The following MAPK8 variants were observed in gnomAD, a reference collection of about 807,000 sequenced individuals.
MAPK8 encodes JUN N-terminal kinase.
Under a neutral mutation model 52.9 loss-of-function variants are expected in MAPK8, and 13 were observed. That is an observed-to-expected ratio of 0.25 (90% CI 0.16 to 0.39). MAPK8 has a LOEUF of 0.39. MAPK8 is among the 10% of genes least tolerant of loss of function. The pLI, the probability that MAPK8 is intolerant of heterozygous loss-of-function variation, is 1.00. For synonymous variants in MAPK8, 191 were observed against 169.8 expected, an observed-to-expected ratio of 1.12 and a Z score of -0.97; for missense variants, 300 against 519.2, an observed-to-expected ratio of 0.58 and a Z score of 4.10.
At chr10:48,364,114 C>T (rs1026754865) in intron 1 of MAPK8, among the ~76,000 whole-genome samples, 10 of 151,926 alleles carry the variant, frequency 6.6e-5, no homozygotes, top group Non-Finnish European at 4.4e-5. Flanking sequence ...TTGAGGCACA[C>T]GGGGCTATTT....
At chr10:48,431,725 T>A (rs1010175818) in intron 11 of MAPK8, among the ~76,000 whole-genome samples, 6 of 152,198 alleles carry the variant, frequency 3.9e-5, no homozygotes, top group African/African-American at 1.2e-4. Flanking sequence ...CACTAGAAAG[T>A]ATTCTTTCTC....
intron 5 of MAPK8, among the ~76,000 whole-genome samples, chr10:48,417,175 A>G (rs896625534): frequency 4.6e-5 from 7 of 152,248 alleles, no homozygotes; most frequent in African/African-American, 9.6e-5. Context: ...TCCTGTTTGA[A>G]GTGTAGAAGG....
intron 5 of MAPK8, among the ~76,000 whole-genome samples, chr10:48,411,949 A>G (rs906751593): frequency 2.0e-5 from 3 of 150,692 alleles, no homozygotes; most frequent in Non-Finnish European, 4.4e-5. Flanking sequence ...GGTTCAAACA[A>G]TTCTCCTGCC....
intron 1 of MAPK8, among the ~76,000 whole-genome samples, chr10:48,392,518 T>C (rs1349209728): frequency 2.0e-5 from 3 of 152,060 alleles, no homozygotes; most frequent in Non-Finnish European, 4.4e-5. Flanking sequence ...TTCTCAGTCT[T>C]TTGATGATAC....
intron 1 of MAPK8, among the ~76,000 whole-genome samples, chr10:48,400,650 G>GT (rs1386424378): frequency 1.3e-5 from 2 of 152,128 alleles, no homozygotes; most frequent in Admixed American, 6.5e-5. Context: ...TCTTTGTATT[G>GT]TAAGTCATAT....
intron 1 of MAPK8, among the ~76,000 whole-genome samples, chr10:48,375,648 G>A (rs1283787536): frequency 2.6e-5 from 4 of 151,828 alleles, no homozygotes; most frequent in South Asian, 2.1e-4. Context: ...TACAAAGAGA[G>A]TAAAATAAAA....
chr10:48,336,832 A>G (rs140840964), intron 1 of MAPK8, among the ~76,000 whole-genome samples: 5 of 152,294 alleles, frequency 3.3e-5, no homozygotes, highest in African/African-American at 7.2e-5. Context: ...AGGTGTTGCT[A>G]TTGTTGTATC....
intron 2 of MAPK8, among the ~76,000 whole-genome samples, chr10:48,403,734 GTTTTTTGTTTTTTTGT>G (rs1256497998): frequency 3.9e-4 from 58 of 150,360 alleles, no homozygotes; most frequent in African/African-American, 1.2e-3. Context: ...TTTGTTTTTT[GTTTTTTGTTTTTTTGT>G]TTTTTTGTTT....
At chr10:48,357,339 A>G (rs1332056981) in intron 1 of MAPK8, among the ~76,000 whole-genome samples, 1 of 152,180 alleles carries the variant, frequency 6.6e-6, no homozygotes, top group African/African-American at 2.4e-5. Flanking sequence ...AAATGCCGCT[A>G]TCTTTATGGT....
In MAPK8 at chr10:48,425,946, GA is replaced by G; in HGVS notation, c.749del (p.Lys250ArgfsTer7). 2 of 1,612,614 alleles carry G rather than the reference GA, an allele frequency of 1.2e-6. No homozygotes were observed. Among genetic ancestry groups the G allele is most frequent in the Non-Finnish European group, 1.7e-6 (2 of 1,179,100 alleles). On this transcript the variant is annotated frameshift_variant, in exon 8 of 12. Transcript: ENST00000374189. LOFTEE classifies it high-confidence loss of function. The stretch of plus-strand genomic sequence containing the variant: ...TTGGAACACCATGTCCTGAATTCAT[GA>G]AGAAACTGCAACCAACAGTAAGGAC... ...QLGTPCPEFM[K>X]KLQPTVRTYV... is the part of the protein sequence containing the mutation.
chr10:48,370,496 A>G (rs12266878), intron 1 of MAPK8, among the ~76,000 whole-genome samples: 7,084 of 152,210 alleles, frequency 0.047, 552 homozygotes, highest in African/African-American at 0.16. Flanking sequence ...AACATGGAAT[A>G]TAAGCTGTGG....
intron 1 of MAPK8, among the ~76,000 whole-genome samples, chr10:48,337,491 A>G (rs977933907): frequency 5.3e-5 from 8 of 152,160 alleles, no homozygotes; most frequent in Non-Finnish European, 1.0e-4. Context: ...CTAAATTCCT[A>G]CATCAAAAGA....
chr10:48,336,673 A>AT (rs1217902679), intron 1 of MAPK8, among the ~76,000 whole-genome samples: 9 of 152,206 alleles, frequency 5.9e-5, no homozygotes, highest in Admixed American at 3.9e-4. Context: ...AGAAAAAATA[A>AT]TATAACCTAT....
intron 6 of MAPK8, among the ~76,000 whole-genome samples, chr10:48,422,697 C>T (rs910365289): frequency 6.6e-6 from 1 of 152,108 alleles, no homozygotes; most frequent in African/African-American, 2.4e-5. Flanking sequence ...CTCTGAGGCA[C>T]TAATTTATAA....
intron 1 of MAPK8, among the ~76,000 whole-genome samples, chr10:48,385,498 G>A (rs2041258583): frequency 6.6e-6 from 1 of 152,184 alleles, no homozygotes; most frequent in Non-Finnish European, 1.5e-5. Flanking sequence ...CCCTTTTGTA[G>A]AGGAAGAGAT....
chr10:48,361,988 T>G (rs2132537183), intron 1 of MAPK8, among the ~76,000 whole-genome samples: 1 of 152,278 alleles, frequency 6.6e-6, no homozygotes, highest in African/African-American at 2.4e-5. Flanking sequence ...CTTCAGAAAA[T>G]TTTCCTCATT....
At chr10:48,413,674 C>G (rs1020971294) in intron 5 of MAPK8, among the ~76,000 whole-genome samples, 1 of 151,388 alleles carries the variant, frequency 6.6e-6, no homozygotes, top group African/African-American at 2.4e-5. Context: ...CTGTATTTCA[C>G]TGATTTATAT....
At chr10:48,403,386 A>AG (rs2042259181) in intron 2 of MAPK8, among the ~76,000 whole-genome samples, 3 of 150,530 alleles carry the variant, frequency 2.0e-5, no homozygotes, top group South Asian at 4.2e-4. Flanking sequence ...TGAACCCGGG[A>AG]GGTGGAGGTT....
At chr10:48,414,448 A>AT (rs3047768) in intron 5 of MAPK8, among the ~76,000 whole-genome samples, 71,476 of 133,628 alleles carry the variant, frequency 0.53, 20,316 homozygotes, top group Middle Eastern at 0.72. Flanking sequence ...TATTGAGAGG[A>AT]TTTTTTTTTT....
Sources: gnomAD v4.1 joint callset for allele counts (sites outside exome capture counted in the v4.1 genomes callset) on GRCh38, gnomAD v4.1.1 for gene constraint, MANE v1.5 for transcripts, NCBI Gene and HGNC (gene_info 2026-07-23, HGNC 2026-07-21) for gene names.